COL4A4: variants seen among roughly 807,000 people sequenced by gnomAD.
The protein encoded by COL4A4 is collagen alpha-4(IV) chain.
A neutral mutation model predicts 192.9 loss-of-function variants in COL4A4; 105 were observed. That is an observed-to-expected ratio of 0.54 (90% CI 0.46 to 0.64). The LOEUF (loss-of-function observed/expected upper bound fraction) is 0.64, where lower values mean the gene tolerates loss of function less well. Among genes scored for constraint, COL4A4 ranks in the 30% least tolerant of loss-of-function variants. The pLI is 0.00. For missense variants in COL4A4, 1,967 were observed against 2,169.3 expected (o/e 0.91, Z 1.85); for synonymous variants, 762 against 769.9 (o/e 0.99, Z 0.17).
downstream of COL4A4, among the ~76,000 whole-genome samples, chr2:227,000,576 G>A (rs1960676336): frequency 6.6e-6 from 1 of 152,188 alleles, no homozygotes; most frequent in Admixed American, 6.5e-5. Context: ...TTGCCTTGCT[G>A]GCAAATGGGA....
chr2:227,089,848 T>A lies in COL4A4; in HGVS notation c.1459+20A>T. 1 of 1,591,760 alleles carries A rather than the reference T, an allele frequency of 6.3e-7. No homozygotes were observed. The highest frequency in any genetic ancestry group is 8.6e-7 in the Non-Finnish European group (1 of 1,159,912). On this transcript the variant is annotated intron_variant, in intron 21 of 47. Transcript: ENST00000396625. ...ATGTACAGTTGTCTTCTAGAAATTC[T>A]ACCTTTGGTGCCTACTTGCCTTTTT...
chr2:227,140,151 C>T lies in COL4A4; in HGVS notation c.192+10G>A, dbSNP rs2125291249. On this transcript the variant is annotated intron_variant, in intron 4 of 47. Coordinates refer to ENST00000396625, the MANE Select transcript of COL4A4 (RefSeq NM_000092.5). Reference sequence around the variant, plus strand: ...GGAATGCTGCCCATGTTGGTCTTTACATCACTTACCCGAGACCCCTTTTCA... The same window carrying T: ...GGAATGCTGCCCATGTTGGTCTTTATATCACTTACCCGAGACCCCTTTTCA... 2 of 1,611,434 alleles carry T rather than the reference C, an allele frequency of 1.2e-6. No homozygotes were observed. The highest frequency in any genetic ancestry group is 2.2e-5 in the East Asian group (1 of 44,844).
At chr2:227,001,096 T>TTTTC (rs1324539513), downstream of COL4A4, among the ~76,000 whole-genome samples, 4 of 150,440 alleles carry the variant, frequency 2.7e-5, no homozygotes, top group African/African-American at 1.0e-4. Context: ...TTCTTTTCTT[T>TTTTC]TTTCTTTTTT....
At chr2:227,087,856 C>A (rs1461444793) in intron 22 of COL4A4, among the ~76,000 whole-genome samples, 1 of 152,238 alleles carries the variant, frequency 6.6e-6, no homozygotes, top group African/African-American at 2.4e-5. Context: ...CCCTTCCTAA[C>A]CTCCTGCCAG....
intron 19 of COL4A4, 90 bp downstream of exon 19, chr2:227,098,604 C>T: frequency 1.0e-6 from 1 of 981,350 alleles, no homozygotes; most frequent in South Asian, 1.3e-5. Flanking sequence ...AAGGTGATTC[C>T]AATATCAGCT....
intron 21 of COL4A4, 111 bp from the exon 22 acceptor site, chr2:227,088,927 C>T: frequency 1.6e-6 from 2 of 1,276,140 alleles, no homozygotes; most frequent in Admixed American, 1.8e-5. Context: ...GTCCGATATG[C>T]ACTTCTTGCA....
At chr2:226,974,570 G>C in the COL4A4 span, among the ~76,000 whole-genome samples, 1 of 152,142 alleles carries the variant, frequency 6.6e-6, no homozygotes, top group African/African-American at 2.4e-5. Flanking sequence ...GACTGTCAAG[G>C]TATTAACTTC....
chr2:227,064,898 T>C (rs1040736523), intron 25 of COL4A4, among the ~76,000 whole-genome samples: 2 of 152,176 alleles, frequency 1.3e-5, no homozygotes, highest in Non-Finnish European at 2.9e-5. Flanking sequence ...GATGGCCGAA[T>C]AGGAACAGCT....
At chr2:227,136,672 A>G (rs1367774716) in intron 4 of COL4A4, among the ~76,000 whole-genome samples, 3 of 152,314 alleles carry the variant, frequency 2.0e-5, no homozygotes, top group Non-Finnish European at 4.4e-5. Context: ...GCCGTTCCTC[A>G]GCACAGAACC....
intron 45 of COL4A4, 138 bp from the exon 46 acceptor site, chr2:227,010,639 G>A (rs1963473277): frequency 1.6e-6 from 1 of 630,578 alleles, no homozygotes. Flanking sequence ...CTCGCCTTCT[G>A]GAACGTACAC....
In COL4A4 at chr2:227,098,738, G is replaced by C. The variant is rs1162767245; in HGVS notation, c.1160C>G (p.Pro387Arg). The stretch of plus-strand genomic sequence containing the variant: ...TCTGCCCAAGAGACCTGGGGGACCA[G>C]GTGGTCCAACATCCCCTGTTTCTCC... ...RYGETGDVGP[P>R]GPPGLLGRPG... The change falls in exon 19 of 48, where the codon CCT (proline) becomes CGT (arginine). Residue 387 changes from proline to arginine, a missense_variant. Physicochemically the swap from Pro to Arg is moderately radical, Grantham distance 103. Coordinates refer to ENST00000396625, the MANE Select transcript of COL4A4 (RefSeq NM_000092.5). 3 of 1,614,162 alleles carry C rather than the reference G, an allele frequency of 1.9e-6. No individual in the cohort carries two copies. Among genetic ancestry groups the C allele is most frequent in the South Asian group, 1.1e-5 (1 of 91,078 alleles).
intron 37 of COL4A4, among the ~76,000 whole-genome samples, chr2:227,041,757 AGG>A (rs1970960708): frequency 8.3e-6 from 1 of 120,910 alleles, no homozygotes; most frequent in African/African-American, 3.2e-5. Flanking sequence ...GAAGGAAGGA[AGG>A]AAGGAAGGAA....
downstream of COL4A4, among the ~76,000 whole-genome samples, chr2:227,000,825 A>T (rs1346097363): frequency 1.3e-5 from 2 of 151,966 alleles, no homozygotes; most frequent in Non-Finnish European, 2.9e-5. Flanking sequence ...CGTCTTTCCC[A>T]TGCTGTTCTT....
At position 227,008,295 on chromosome 2, in the gene COL4A4, C is replaced by G; in HGVS notation, c.4532G>C (p.Gly1511Ala). The stretch of plus-strand genomic sequence containing the variant: ...CGTGCTAAATACGGGAAGGCAAGAC[C>G]CTGCCAGACCTTGGGAAGGGAAGAA... ...KAHNQDLGLA[G>A]SCLPVFSTLP... The change falls in exon 47 of 48, where the codon GGG becomes GCG. Residue 1511 changes from glycine to alanine, a missense_variant. Coordinates refer to ENST00000396625, the MANE Select transcript of COL4A4 (RefSeq NM_000092.5). 6.2e-7 allele frequency: 1 copy of G among 1,614,098 alleles called. No individual in the cohort carries two copies. The highest frequency in any genetic ancestry group is 8.5e-7 in the Non-Finnish European group (1 of 1,179,936).
In COL4A4 at chr2:227,077,960, G is replaced by A. The variant is rs778345125; in HGVS notation, c.1921C>T (p.Arg641Ter). 3 of 1,613,710 alleles carry A rather than the reference G, an allele frequency of 1.9e-6. No individual in the cohort carries two copies. The highest frequency in any genetic ancestry group is 2.2e-5 in the South Asian group (2 of 91,044). Residue 641 changes from arginine to a stop codon, truncating the protein, a stop_gained, in exon 25 of 48, where the codon CGA becomes TGA. Transcript: ENST00000396625. LOFTEE classifies it high-confidence loss of function. ...GLGFPGPPGE[R>*]GHPGVPGHPG... ...TGGCCTGGAACTCCTGGGTGGCCTC[G>A]CTCTCCTGGTGGACCAGGAAATCCC...
intron 15 of COL4A4, among the ~76,000 whole-genome samples, chr2:227,102,195 A>G (rs1380003729): frequency 6.6e-6 from 1 of 152,252 alleles, no homozygotes; most frequent in Non-Finnish European, 1.5e-5. Context: ...TACTTAACTT[A>G]GTGCTTGCAC....
In COL4A4 at chr2:227,130,410, C is replaced by A. The variant is rs571890318; in HGVS notation, c.193-9262G>T. On this transcript the variant is annotated intron_variant, in intron 4 of 47. Coordinates refer to ENST00000396625, the MANE Select transcript of COL4A4 (RefSeq NM_000092.5). ...ATCTGCGTCTTCTGCGGGGCCTAAA[C>A]AAGGCTAAGGGCTCCTGGTAAGCTC... 2.0e-5 allele frequency among the ~76,000 whole-genome samples: 3 copies of A among 152,340 alleles called. No homozygotes were observed. The South Asian group carries it at 6.2e-4, about 32-fold the overall frequency.
At chr2:227,154,160 G>T (rs1250120883) in intron 1 of COL4A4, among the ~76,000 whole-genome samples, 1 of 152,188 alleles carries the variant, frequency 6.6e-6, no homozygotes, top group Non-Finnish European at 1.5e-5. Context: ...ATACCATTTT[G>T]TTATCCTCCT....
chr2:227,057,736 G>T, intron 28 of COL4A4, 136 bp from the exon 29 acceptor site: 2 of 945,286 alleles, frequency 2.1e-6, no homozygotes, highest in Non-Finnish European at 1.7e-6. Context: ...TTAAGTCTTT[G>T]AGTGGATTTT....
Sources: gnomAD v4.1 joint callset for allele counts (sites outside exome capture counted in the v4.1 genomes callset) on GRCh38, gnomAD v4.1.1 for gene constraint, MANE v1.5 for transcripts, NCBI Gene and HGNC (gene_info 2026-07-23, HGNC 2026-07-21) for gene names.